KCNT2: variants seen among roughly 807,000 people sequenced by gnomAD.
KCNT2 encodes the protein potassium channel subfamily T member 2.
KCNT2 carries 67 observed loss-of-function variants against 153.8 expected under a neutral mutation model. The ratio of observed to expected loss-of-function variants is 0.44; its 90% CI spans 0.36 to 0.53. The LOEUF (loss-of-function observed/expected upper bound fraction) is 0.53, where lower values mean the gene tolerates loss of function less well. Among genes scored for constraint, KCNT2 ranks in the 20% least tolerant of loss-of-function variants. The pLI, the probability that KCNT2 is intolerant of heterozygous loss-of-function variation, is 0.00. For synonymous variants in KCNT2, 500 were observed against 458.8 expected (o/e 1.09, Z -1.15); for missense variants, 975 against 1,354.8 (o/e 0.72, Z 4.40).
intron 13 of KCNT2, among the ~76,000 whole-genome samples, chr1:196,383,120 G>A (rs761734014): frequency 1.3e-5 from 2 of 152,114 alleles, no homozygotes; most frequent in African/African-American, 2.4e-5. Flanking sequence ...TGGAACTGAG[G>A]CACAGGAAGA....
chr1:196,255,492 C>T (rs1167777739), intron 26 of KCNT2, among the ~76,000 whole-genome samples: 1 of 151,658 alleles, frequency 6.6e-6, no homozygotes, highest in Non-Finnish European at 1.5e-5. Flanking sequence ...ATTTCACCTC[C>T]CAATCCCTTG....
chr1:196,326,639 C>T (rs1663888568), intron 19 of KCNT2, 78 bp downstream of exon 19: 3 of 737,528 alleles, frequency 4.1e-6, no homozygotes, highest in Non-Finnish European at 4.2e-6. Flanking sequence ...CAGAATATTA[C>T]AGGCAATTAT....
At chr1:196,449,070 A>G (rs1233862116) in intron 8 of KCNT2, among the ~76,000 whole-genome samples, 1 of 151,718 alleles carries the variant, frequency 6.6e-6, no homozygotes, top group Non-Finnish European at 1.5e-5. Flanking sequence ...ATTTAGAGAA[A>G]GGCAAACAAA....
intron 22 of KCNT2, among the ~76,000 whole-genome samples, chr1:196,300,185 A>G (rs768310617): frequency 6.6e-6 from 1 of 152,222 alleles, no homozygotes; most frequent in South Asian, 2.1e-4. Context: ...AAGAAGCTTG[A>G]GTGGAAAGAC....
chr1:196,264,874 TC>T (rs1414229682), intron 25 of KCNT2, among the ~76,000 whole-genome samples: 1 of 152,000 alleles, frequency 6.6e-6, no homozygotes, highest in Non-Finnish European at 1.5e-5. Flanking sequence ...CAAGCTATCC[TC>T]CCATGTCAAC....
At chr1:196,398,910 T>C (rs1671178688) in intron 12 of KCNT2, among the ~76,000 whole-genome samples, 1 of 151,680 alleles carries the variant, frequency 6.6e-6, no homozygotes, top group Admixed American at 6.6e-5. Flanking sequence ...AAAAAATAGC[T>C]AGACAGACTT....
intron 26 of KCNT2, among the ~76,000 whole-genome samples, chr1:196,248,288 CAAT>C (rs1655632577): frequency 1.3e-5 from 2 of 150,616 alleles, no homozygotes; most frequent in Admixed American, 1.3e-4. Context: ...AAAAAAGAAA[CAAT>C]AAAGGTATGA....
chr1:196,426,465 A>C (rs1673663869), intron 10 of KCNT2, among the ~76,000 whole-genome samples: 1 of 152,084 alleles, frequency 6.6e-6, no homozygotes. Flanking sequence ...TGAATATTTG[A>C]ATGAATAAGG....
intron 1 of KCNT2, among the ~76,000 whole-genome samples, chr1:196,509,726 TAA>T (rs1681458747): frequency 3.3e-5 from 5 of 152,200 alleles, no homozygotes; most frequent in Admixed American, 3.3e-4. Flanking sequence ...ATATTTTTAA[TAA>T]GTTAATTAAT....
At chr1:196,287,774 C>T (rs1040062326) in intron 22 of KCNT2, among the ~76,000 whole-genome samples, 1 of 151,980 alleles carries the variant, frequency 6.6e-6, no homozygotes, top group Non-Finnish European at 1.5e-5. Flanking sequence ...TACAGAGCTC[C>T]TATATAGAAC....
At chr1:196,541,001 G>A (rs1656283478) in intron 1 of KCNT2, among the ~76,000 whole-genome samples, 2 of 152,150 alleles carry the variant, frequency 1.3e-5, no homozygotes, top group South Asian at 2.1e-4. Context: ...GGGAGGTGGA[G>A]GTTGCAGTGA....
intron 12 of KCNT2, among the ~76,000 whole-genome samples, chr1:196,409,773 C>G (rs1343075035): frequency 1.3e-5 from 2 of 151,656 alleles, no homozygotes; most frequent in African/African-American, 4.8e-5. Context: ...GTACAGACAT[C>G]TCTTTCGCAT....
At chr1:196,567,742 G>GAGA (rs1660283678) in intron 1 of KCNT2, among the ~76,000 whole-genome samples, 2 of 152,020 alleles carry the variant, frequency 1.3e-5, no homozygotes, top group Non-Finnish European at 2.9e-5. Context: ...GACGGCTGAG[G>GAGA]AGAGAAGAGA....
chr1:196,316,725 C>A (rs933896788), intron 20 of KCNT2, among the ~76,000 whole-genome samples: 3 of 151,336 alleles, frequency 2.0e-5, no homozygotes, highest in Non-Finnish European at 4.4e-5. Flanking sequence ...AGTCAGTCTT[C>A]TTCCCTATCA....
rs1255238477 is a variant in KCNT2, at chr1:196,233,551, A to AT, written c.3296+2434dup. ...CTTTTTCAGCTGGAAGATAAAAAAT[A>AT]TTTTTTCTACAGAAAACTAGCTTAT... On this transcript the variant is annotated intron_variant, in intron 27 of 27. Coordinates refer to ENST00000294725, the MANE Select transcript of KCNT2 (RefSeq NM_198503.5). Among the ~76,000 whole-genome samples, 13 of 151,446 alleles carry AT rather than the reference A, an allele frequency of 8.6e-5. No homozygotes were observed. In the East Asian group the frequency reaches 2.1e-3, roughly 25 times the overall value.
chr1:196,452,959 G>A (rs1393523269), intron 8 of KCNT2, among the ~76,000 whole-genome samples: 1 of 151,948 alleles, frequency 6.6e-6, no homozygotes, highest in Non-Finnish European at 1.5e-5. Context: ...GAAACACTCA[G>A]AATGTTTCAA....
At chr1:196,387,670 T>C (rs140696321) in intron 13 of KCNT2, among the ~76,000 whole-genome samples, 105 of 152,088 alleles carry the variant, frequency 6.9e-4, no homozygotes, top group African/African-American at 2.5e-3. Context: ...TTAGTGATAT[T>C]GACAATCTTT....
chr1:196,358,303 C>G (rs530293594), intron 14 of KCNT2, among the ~76,000 whole-genome samples: 4 of 151,666 alleles, frequency 2.6e-5, no homozygotes, highest in Non-Finnish European at 5.9e-5. Flanking sequence ...CATTTCTCCA[C>G]CACAACTCCT....
At chr1:196,600,888 C>G (rs1042464456) in intron 1 of KCNT2, among the ~76,000 whole-genome samples, 3 of 152,156 alleles carry the variant, frequency 2.0e-5, no homozygotes, top group Non-Finnish European at 2.9e-5. Flanking sequence ...CTTAAAGTCC[C>G]CCACCTTCAC....
Sources: gnomAD v4.1 joint callset for allele counts (sites outside exome capture counted in the v4.1 genomes callset) on GRCh38, gnomAD v4.1.1 for gene constraint, MANE v1.5 for transcripts, NCBI Gene and HGNC (gene_info 2026-07-23, HGNC 2026-07-21) for gene names.